The following MAP3K9 variants were observed in gnomAD, a reference collection of about 807,000 sequenced individuals.
MAP3K9 encodes the protein mixed lineage kinase 1 (tyr and ser/thr specificity).
MAP3K9 carries 46 observed loss-of-function variants against 95.8 expected under a neutral mutation model. The observed-to-expected ratio is 0.48, with a 90% CI of 0.38 to 0.61. MAP3K9 has a LOEUF of 0.61. MAP3K9 is among the 20% of genes least tolerant of loss of function. The pLI is 0.00. For synonymous variants in MAP3K9, 533 were observed against 593.8 expected (o/e 0.90, Z 1.49); for missense variants, 1,296 against 1,474.3 (o/e 0.88, Z 1.98).
intron 2 of MAP3K9, among the ~76,000 whole-genome samples, chr14:70,788,251 G>A (rs2054769210): frequency 6.6e-6 from 1 of 152,124 alleles, no homozygotes; most frequent in African/African-American, 2.4e-5. Flanking sequence ...GAAAATGCAA[G>A]TACAAGACAA....
intron 2 of MAP3K9, among the ~76,000 whole-genome samples, chr14:70,764,054 C>T (rs1247939263): frequency 3.4e-5 from 5 of 148,098 alleles, no homozygotes; most frequent in Admixed American, 1.3e-4. Flanking sequence ...GGCGCGGTGG[C>T]GGGCGCTTGT....
chr14:70,772,671 A>G (rs1055099961), intron 2 of MAP3K9, among the ~76,000 whole-genome samples: 1 of 152,200 alleles, frequency 6.6e-6, no homozygotes, highest in Non-Finnish European at 1.5e-5. Flanking sequence ...CAGCTGAAAA[A>G]AAAAGCCATT....
intron 1 of MAP3K9, among the ~76,000 whole-genome samples, chr14:70,807,127 AC>A: frequency 6.6e-6 from 1 of 152,248 alleles, no homozygotes; most frequent in Non-Finnish European, 1.5e-5. Flanking sequence ...CAAAACACCA[AC>A]AGAAAAAGAA....
chr14:70,787,875 G>A (rs752733116), intron 2 of MAP3K9, among the ~76,000 whole-genome samples: 16 of 152,096 alleles, frequency 1.1e-4, no homozygotes, highest in Non-Finnish European at 2.1e-4. Context: ...CCAAACACCT[G>A]GGCTGCTACA....
At chr14:70,735,225 C>T (rs781157343) in intron 9 of MAP3K9, among the ~76,000 whole-genome samples, 4 of 152,032 alleles carry the variant, frequency 2.6e-5, no homozygotes, top group Non-Finnish European at 5.9e-5. Context: ...AGCCTGGGCA[C>T]CCTGCCAACC....
intron 10 of MAP3K9, chr14:70,733,847 CCTCT>C (rs780781519): frequency 2.8e-6 from 2 of 717,380 alleles, no homozygotes; most frequent in South Asian, 3.0e-5. Context: ...TGCTGAGCTT[CCTCT>C]CTCTGTTTCT....
At position 70,730,169 on chromosome 14, in the gene MAP3K9, A is replaced by G; in HGVS notation, c.*211T>C. ...CTACACAGCCAGAGCTGATGGCCAC[A>G]GCCCCTCCAGTGGACACGGGTAGAA... On this transcript the variant is annotated 3_prime_UTR_variant, in exon 12 of 12. Transcript: ENST00000554752. 2 of 642,764 alleles carry G rather than the reference A, an allele frequency of 3.1e-6. No individual in the cohort carries two copies. Among genetic ancestry groups the G allele is most frequent in the Non-Finnish European group, 2.6e-6 (1 of 388,380 alleles). The allele number at this position is 642,764 out of a possible 1,614,324, so 39.8% of individuals were successfully genotyped here.
chr14:70,754,312 G>C (rs1458622691), intron 3 of MAP3K9, among the ~76,000 whole-genome samples: 1 of 152,130 alleles, frequency 6.6e-6, no homozygotes, highest in Non-Finnish European at 1.5e-5. Flanking sequence ...TTTTAAAACA[G>C]AAAGATCCCA....
intron 5 of MAP3K9, among the ~76,000 whole-genome samples, chr14:70,744,388 A>T (rs2054117849): frequency 6.6e-6 from 1 of 152,144 alleles, no homozygotes; most frequent in African/African-American, 2.4e-5. Flanking sequence ...TTTAAAGCAG[A>T]GCCAACTTAA....
intron 2 of MAP3K9, among the ~76,000 whole-genome samples, chr14:70,787,822 CAAACA>C (rs1331649450): frequency 6.6e-6 from 1 of 151,996 alleles, no homozygotes; most frequent in Non-Finnish European, 1.5e-5. Flanking sequence ...AAAAAACACA[CAAACA>C]AAACAAGATT....
rs188387961 is a variant in MAP3K9 at position 70,734,448 on chromosome 14, T to A, written c.1964A>T (p.Asn655Ile). The part of the protein sequence containing the change: ...GYKQWSSSAP[N>I]LVKGPRSSPA... Reference sequence around the variant, plus strand: ...GCTACTCCTTGGGCCCTTCACCAGGTTGGGGGCACTGGACGACCACTGCTT... The same window carrying A: ...GCTACTCCTTGGGCCCTTCACCAGGATGGGGGCACTGGACGACCACTGCTT... Residue 655 changes from asparagine (N) to isoleucine (I), a missense_variant, in exon 10 of 12, where the codon AAC becomes ATC. Physicochemically the swap from Asn to Ile is moderately radical, Grantham distance 149. Coordinates refer to ENST00000554752, the MANE Select transcript of MAP3K9 (RefSeq NM_001284230.2). The A allele has an allele frequency of 1.6e-5, 26 of 1,613,848 alleles. No homozygotes were observed. Among genetic ancestry groups the A allele is most frequent in the Non-Finnish European group, 2.1e-5 (25 of 1,179,962 alleles).
At chr14:70,785,576 G>A (rs115929477) in intron 2 of MAP3K9, among the ~76,000 whole-genome samples, 1,829 of 152,192 alleles carry the variant, frequency 0.012, 48 homozygotes, top group African/African-American at 0.042. Flanking sequence ...GATGAAGTGC[G>A]CGGTAGATGA....
At chr14:70,801,766 T>C (rs1228859550) in intron 1 of MAP3K9, among the ~76,000 whole-genome samples, 1 of 152,052 alleles carries the variant, frequency 6.6e-6, no homozygotes, top group Non-Finnish European at 1.5e-5. Flanking sequence ...GAAGGCAACA[T>C]TTGAAATTGG....
At chr14:70,782,871 CTA>C (rs2054698848) in intron 2 of MAP3K9, among the ~76,000 whole-genome samples, 1 of 152,182 alleles carries the variant, frequency 6.6e-6, no homozygotes, top group African/African-American at 2.4e-5. Flanking sequence ...AAATTCAAAA[CTA>C]TACAAATTCT....
At chr14:70,754,137 T>C (rs556816386) in intron 3 of MAP3K9, among the ~76,000 whole-genome samples, 79 of 152,332 alleles carry the variant, frequency 5.2e-4, no homozygotes, top group African/African-American at 1.4e-3. Context: ...ACTTTGTAAA[T>C]TGAAAGTAGC....
rs529457181 is a variant in MAP3K9 at position 70,722,844 on chromosome 14, G to A, written c.*7536C>T. ...AAGACACTGGAGCAGAGAAGGTCTA[G>A]GGATAAAAACTAGTAGCTAATTACA... On this transcript the variant is annotated 3_prime_UTR_variant, in exon 12 of 12. Coordinates refer to ENST00000554752, the MANE Select transcript of MAP3K9 (RefSeq NM_001284230.2). The A allele has an allele frequency of 1.3e-5, 2 of 152,320 alleles. No individual in the cohort carries two copies. Among genetic ancestry groups the A allele is most frequent in the Non-Finnish European group, 2.9e-5 (2 of 68,032 alleles). 9.4% of individuals were successfully genotyped at this position (152,320 alleles called of 1,614,324 possible).
chr14:70,730,935 C>T (rs1224386836), intron 11 of MAP3K9, 71 bp from the exon 12 acceptor site: 5 of 1,448,668 alleles, frequency 3.5e-6, no homozygotes, highest in Non-Finnish European at 9.2e-7. Flanking sequence ...CCGCTACTCC[C>T]CCCCAACACC....
chr14:70,740,058 G>A lies in MAP3K9; in HGVS notation c.1674C>T (p.Arg558=), dbSNP rs1352821628. ...SPPASPTIIP[R]LRAIQLTPGE... is the part of the protein sequence containing the mutation. The stretch of plus-strand genomic sequence containing the variant: ...CAGTCTCACACTGGATGGCTCGAAG[G>A]CGAGGAATGATGGTGGGGCTTGCAG... Residue 558 remains arginine (R), a synonymous_variant, in exon 7 of 12, where the codon CGC becomes CGT. Coordinates refer to ENST00000554752, the MANE Select transcript of MAP3K9 (RefSeq NM_001284230.2). 3 of 1,614,078 alleles carry A rather than the reference G, an allele frequency of 1.9e-6. No individual in the cohort carries two copies. Among genetic ancestry groups the A allele is most frequent in the Non-Finnish European group, 1.7e-6 (2 of 1,180,042 alleles).
chr14:70,730,509 C>T lies in MAP3K9; in HGVS notation c.3186G>A (p.Pro1062=), dbSNP rs201193460. Residue 1062 remains proline, a synonymous_variant, in exon 12 of 12, where the codon CCG becomes CCA. Transcript: ENST00000554752. ...LLPFQAGPLP[P]TERTLLDLDA... Reference sequence around the variant, plus strand: ...CCAGGTCCAGGAGCGTCCGCTCAGTCGGGGGCAGCGGCCCTGCCTGGAACG... The same window carrying T: ...CCAGGTCCAGGAGCGTCCGCTCAGTTGGGGGCAGCGGCCCTGCCTGGAACG... 243 of 1,613,968 alleles carry T rather than the reference C, an allele frequency of 1.5e-4. 1 individual carries two copies. Among genetic ancestry groups the T allele is most frequent in the Middle Eastern group, 8.3e-4 (5 of 6,060 alleles).
Sources: allele counts gnomAD v4.1 joint callset (sites outside exome capture counted in the v4.1 genomes callset), GRCh38; gene constraint gnomAD v4.1.1; transcripts MANE v1.5; gene names NCBI Gene and HGNC (gene_info 2026-07-23, HGNC 2026-07-21).